ADGRD1: variants seen among roughly 807,000 people sequenced by gnomAD.
ADGRD1 encodes adhesion G protein-coupled receptor D1.
ADGRD1 carries 77 observed loss-of-function variants against 113.4 expected under a neutral mutation model. The observed-to-expected ratio is 0.68, with a 90% confidence interval of 0.57 to 0.82. The LOEUF (loss-of-function observed/expected upper bound fraction) is 0.82. ADGRD1 is among the 40% of genes least tolerant of loss of function. The pLI is 0.00. For synonymous variants in ADGRD1, 474 were observed against 475.0 expected (o/e 1.00, Z 0.03); for missense variants, 1,036 against 1,139.1 (o/e 0.91, Z 1.30).
intron 12 of ADGRD1, among the ~76,000 whole-genome samples, chr12:131,012,249 C>T (rs965954037): frequency 5.3e-5 from 8 of 150,432 alleles, no homozygotes; most frequent in Non-Finnish European, 1.0e-4. Flanking sequence ...GGTTGAGACA[C>T]GTGGACCTAG....
intron 9 of ADGRD1, among the ~76,000 whole-genome samples, chr12:131,001,734 T>C (rs1241259743): frequency 6.6e-6 from 1 of 152,170 alleles, no homozygotes; most frequent in East Asian, 1.9e-4. Context: ...GGCTTCTCAA[T>C]ATGTGGTTTC....
chr12:131,088,575 TG>T (rs1566098720), intron 15 of ADGRD1, among the ~76,000 whole-genome samples: 1 of 151,464 alleles, frequency 6.6e-6, no homozygotes, highest in Non-Finnish European at 1.5e-5. Flanking sequence ...GAGGACAGGG[TG>T]GGGACGGAGG....
intron 14 of ADGRD1, among the ~76,000 whole-genome samples, chr12:131,082,115 G>A (rs1886116515): frequency 6.6e-6 from 1 of 151,912 alleles, no homozygotes; most frequent in African/African-American, 2.4e-5. Context: ...TATAATCATA[G>A]GAAATATATG....
At chr12:131,082,737 G>A (rs896379124) in intron 14 of ADGRD1, among the ~76,000 whole-genome samples, 3 of 152,186 alleles carry the variant, frequency 2.0e-5, no homozygotes, top group African/African-American at 7.2e-5. Flanking sequence ...ACATGACCCT[G>A]TCTTTAAGTC....
intron 16 of ADGRD1, among the ~76,000 whole-genome samples, chr12:131,105,243 A>G (rs974202693): frequency 1.3e-5 from 2 of 152,248 alleles, no homozygotes; most frequent in Non-Finnish European, 1.5e-5. Context: ...GAGAGATGAG[A>G]ACATGCTTGG....
At chr12:131,100,184 G>T (rs988179882) in intron 15 of ADGRD1, among the ~76,000 whole-genome samples, 1 of 152,184 alleles carries the variant, frequency 6.6e-6, no homozygotes, top group Admixed American at 6.5e-5. Context: ...TTGGTTGAAG[G>T]TGAGTTTATG....
Position 131,000,449 on chromosome 12 carries a change from G to GAA in ADGRD1, c.1026+10_1026+11dup. On this transcript the variant is annotated splice_region_variant and intron_variant, in intron 9 of 24. Coordinates refer to ENST00000261654, the MANE Select transcript of ADGRD1 (RefSeq NM_198827.5). ...TTGGATTGCTCTGTCAGAGGTAAGA[G>GAA]AAAAGAACATGGTCGGTCATGGTGG... 1.2e-6 allele frequency: 2 copies of GAA among 1,610,216 alleles called. No homozygotes were observed. The highest frequency in any genetic ancestry group is 1.7e-6 in the Non-Finnish European group (2 of 1,177,510).
intron 18 of ADGRD1, among the ~76,000 whole-genome samples, chr12:131,109,662 T>C (rs1030103166): frequency 6.6e-6 from 1 of 152,232 alleles, no homozygotes; most frequent in African/African-American, 2.4e-5. Context: ...TAAGTATCTA[T>C]CCTGGAAAGT....
rs1211257852 is a variant in ADGRD1, at chr12:131,139,464, G to A, written c.*201G>A. 2.1e-5 allele frequency: 12 copies of A among 564,598 alleles called. No individual in the cohort carries two copies. Among genetic ancestry groups the A allele is most frequent in the South Asian group, 1.8e-4 (9 of 49,494 alleles). 35.0% of individuals were successfully genotyped at this position (564,598 alleles called of 1,614,324 possible). On this transcript the variant is annotated 3_prime_UTR_variant, in exon 25 of 25. Transcript: ENST00000261654. ...CCAGCAGCCTGATGCCCAGGCCAGC[G>A]TGGGCCCTCCTGCCTTGCATCCACC...
At chr12:131,135,915 A>G in intron 21 of ADGRD1, 122 bp from the exon 22 acceptor site, 1 of 991,886 alleles carries the variant, frequency 1.0e-6, no homozygotes, top group South Asian at 1.5e-5. Flanking sequence ...GGAGGACCCC[A>G]GGTCTTGCTC....
chr12:131,101,061 C>G (rs1416429740), intron 15 of ADGRD1, among the ~76,000 whole-genome samples: 1 of 152,184 alleles, frequency 6.6e-6, no homozygotes, highest in Non-Finnish European at 1.5e-5. Context: ...AAAAGCTTCC[C>G]TAATGCATCC....
intron 4 of ADGRD1, chr12:130,977,312 C>T (rs1471869806): frequency 1.3e-5 from 2 of 152,234 alleles, no homozygotes; most frequent in African/African-American, 4.8e-5. Flanking sequence ...TTTCTTATTC[C>T]CATGGGGAAA....
At chr12:131,139,124 C>G (rs770854675) in intron 24 of ADGRD1, 44 bp from the exon 25 acceptor site, 15 of 1,493,184 alleles carry the variant, frequency 1.0e-5, no homozygotes, top group Admixed American at 6.8e-5. Context: ...TGGCTCTCCC[C>G]CTGGGAGCAG....
chr12:130,977,309 T>A (rs1412717817), intron 4 of ADGRD1: 1 of 152,262 alleles, frequency 6.6e-6, no homozygotes. Flanking sequence ...GAATTTCTTA[T>A]TCCCATGGGG....
intron 15 of ADGRD1, among the ~76,000 whole-genome samples, chr12:131,090,184 A>G (rs1451581679): frequency 2.0e-5 from 3 of 152,224 alleles, no homozygotes; most frequent in African/African-American, 7.2e-5. Context: ...TCATTGCCAG[A>G]AAAGGTTGAT....
intron 13 of ADGRD1, chr12:131,030,844 G>C (rs1003432713): frequency 2.0e-5 from 3 of 152,258 alleles, no homozygotes; most frequent in African/African-American, 7.2e-5. Context: ...ATACGCCGGG[G>C]TGTGCAGAGC....
intron 8 of ADGRD1, among the ~76,000 whole-genome samples, chr12:130,996,557 G>A (rs1252079932): frequency 7.6e-6 from 1 of 131,320 alleles, no homozygotes; most frequent in African/African-American, 2.9e-5. Flanking sequence ...CCTCCCGGAC[G>A]GGGCGGCTGG....
Position 131,075,814 on chromosome 12 carries a change from G to A in ADGRD1, c.1474-987G>A, listed in dbSNP as rs1885557656. On this transcript the variant is annotated intron_variant, in intron 13 of 24. Coordinates refer to ENST00000261654, the MANE Select transcript of ADGRD1 (RefSeq NM_198827.5). This position sits in a 1 kb window ranked among gnomAD's most constrained non-coding sequence, Gnocchi z 5.3. ...TGCCTTCCTGAGGGCTGGTCACCCT[G>A]AAATGGGGGAAGGGTCTCATTGGAG... Among the ~76,000 whole-genome samples, 1 of 152,232 alleles carries A rather than the reference G, an allele frequency of 6.6e-6. No homozygotes were observed. Among genetic ancestry groups the A allele is most frequent in the African/African-American group, 2.4e-5 (1 of 41,458 alleles).
intron 14 of ADGRD1, among the ~76,000 whole-genome samples, chr12:131,080,034 CATTTTA>C (rs1289848494): frequency 6.6e-6 from 1 of 152,078 alleles, no homozygotes; most frequent in Non-Finnish European, 1.5e-5. Flanking sequence ...ATTTGCTCTT[CATTTTA>C]AAAGTTCTTA....
Sources: allele counts gnomAD v4.1 joint callset (sites outside exome capture counted in the v4.1 genomes callset), GRCh38; gene constraint gnomAD v4.1.1; non-coding constraint Gnocchi (gnomAD v3.1); transcripts MANE v1.5; gene names NCBI Gene and HGNC (gene_info 2026-07-23, HGNC 2026-07-21).